Variants in PPFIA1 observed in about 807,000 individuals in gnomAD.
PPFIA1 encodes PPFI scaffold protein A1.
A neutral mutation model predicts 149.9 loss-of-function variants in PPFIA1; 25 were observed. That is an observed-to-expected ratio of 0.17 (90% CI 0.12 to 0.23). The LOEUF is 0.23. Among genes scored for constraint, PPFIA1 ranks in the 10% least tolerant of loss-of-function variants. PPFIA1 has a pLI of 1.00. For synonymous variants in PPFIA1, 549 were observed against 552.8 expected (o/e 0.99, Z 0.10); for missense variants, 1,362 against 1,506.5 (o/e 0.90, Z 1.59).
intron 16 of PPFIA1, among the ~76,000 whole-genome samples, chr11:70,352,751 G>A (rs1287564063): frequency 8.3e-6 from 1 of 119,854 alleles, no homozygotes; most frequent in Admixed American, 8.6e-5. Flanking sequence ...GTGGAGGGGT[G>A]GGAGGGCGGC....
intron 2 of PPFIA1, among the ~76,000 whole-genome samples, chr11:70,295,123 A>G (rs2136250658): frequency 6.6e-6 from 1 of 151,288 alleles, no homozygotes; most frequent in Admixed American, 6.6e-5. Flanking sequence ...ACTTCCCAGT[A>G]GGGGCGGCCG....
intron 2 of PPFIA1, chr11:70,320,302 C>G (rs377014148): frequency 6.6e-6 from 1 of 152,180 alleles, no homozygotes; most frequent in South Asian, 2.1e-4. Context: ...CATGGTAAGC[C>G]TGAATTGACT....
At chr11:70,324,808 T>C in intron 3 of PPFIA1, 39 bp from the exon 4 acceptor site, 1 of 1,470,086 alleles carries the variant, frequency 6.8e-7, no homozygotes, top group Non-Finnish European at 9.2e-7. Context: ...AAATTAAAAA[T>C]GCTGTTTAAC....
intron 19 of PPFIA1, among the ~76,000 whole-genome samples, chr11:70,361,172 T>C (rs1168162072): frequency 6.6e-6 from 1 of 152,200 alleles, no homozygotes; most frequent in East Asian, 1.9e-4. Context: ...AAATGGATGG[T>C]GTTGATACTG....
chr11:70,354,188 TGCTG>T lies in PPFIA1; in HGVS notation c.2164-110_2164-107del, dbSNP rs1197281121. 5 of 1,124,194 alleles carry T rather than the reference TGCTG, an allele frequency of 4.4e-6. No individual in the cohort carries two copies. In the African/African-American group the frequency reaches 4.7e-5, roughly 10 times the overall value. 69.6% of individuals were successfully genotyped at this position (1,124,194 alleles called of 1,614,324 possible). A position where few individuals can be genotyped will look rare whatever the true frequency, so the allele number is the denominator to read the frequency against. On this transcript the variant is annotated intron_variant, in intron 16 of 27. Transcript: ENST00000253925. ...TGCCAGACTGAAACAAGACTTTCTG[TGCTG>T]GCAGAAAGCACAGCAAATCGATTTT... is the stretch of plus-strand genomic sequence containing the variant.
intron 3 of PPFIA1, 74 bp from the exon 4 acceptor site, chr11:70,324,773 G>C (rs1225334666): frequency 2.8e-5 from 38 of 1,365,250 alleles, no homozygotes; most frequent in Non-Finnish European, 3.2e-5. Flanking sequence ...CTGTAAAGGA[G>C]TTATTTGCCC....
chr11:70,323,836 C>G (rs1318263981), intron 2 of PPFIA1, among the ~76,000 whole-genome samples: 1 of 152,168 alleles, frequency 6.6e-6, no homozygotes, highest in African/African-American at 2.4e-5. Context: ...AGAGGCTGGG[C>G]ACGGTGGCTC....
At chr11:70,352,241 C>T (rs886460991) in intron 16 of PPFIA1, among the ~76,000 whole-genome samples, 4 of 152,064 alleles carry the variant, frequency 2.6e-5, no homozygotes, top group Non-Finnish European at 5.9e-5. Flanking sequence ...CTGTTTGTAC[C>T]TTGGTTTACT....
At chr11:70,335,307 G>C (rs551811031) in intron 10 of PPFIA1, among the ~76,000 whole-genome samples, 1 of 152,180 alleles carries the variant, frequency 6.6e-6, no homozygotes, top group African/African-American at 2.4e-5. Flanking sequence ...TTAACAACTA[G>C]TGACATTCCT....
At chr11:70,341,682 C>G (rs1451044329) in intron 14 of PPFIA1, among the ~76,000 whole-genome samples, 3 of 152,156 alleles carry the variant, frequency 2.0e-5, no homozygotes, top group African/African-American at 7.2e-5. Context: ...ATGACACCAC[C>G]TCATGGGTGC....
chr11:70,373,119 G>A (rs1026622983), intron 23 of PPFIA1, among the ~76,000 whole-genome samples: 3 of 152,256 alleles, frequency 2.0e-5, no homozygotes, highest in African/African-American at 7.2e-5. Context: ...CCAGGGAGGC[G>A]TTAGAGGATG....
intron 14 of PPFIA1, chr11:70,342,237 T>C (rs957150095): frequency 5.9e-5 from 9 of 152,264 alleles, no homozygotes; most frequent in Admixed American, 2.0e-4. Context: ...GAGATCCGGG[T>C]GTGAGCCAGG....
At chr11:70,370,721 C>T (rs947807608) in intron 21 of PPFIA1, among the ~76,000 whole-genome samples, 3 of 152,184 alleles carry the variant, frequency 2.0e-5, no homozygotes, top group Non-Finnish European at 2.9e-5. Flanking sequence ...TCTTGGATCA[C>T]TGATTTTCGA....
chr11:70,323,962 CAGAA>C (rs1264641243), intron 2 of PPFIA1, among the ~76,000 whole-genome samples: 2 of 152,154 alleles, frequency 1.3e-5, no homozygotes, highest in Non-Finnish European at 2.9e-5. Context: ...GACCCTGTCT[CAGAA>C]AGAAAAAGGA....
chr11:70,316,854 A>G (rs1208732950), intron 2 of PPFIA1, among the ~76,000 whole-genome samples: 4 of 152,250 alleles, frequency 2.6e-5, no homozygotes, highest in Non-Finnish European at 5.9e-5. Flanking sequence ...TCTGGTCTAT[A>G]TAATATGAAC....
chr11:70,321,727 G>A (rs983046014), intron 2 of PPFIA1, among the ~76,000 whole-genome samples: 1 of 152,162 alleles, frequency 6.6e-6, no homozygotes, highest in Admixed American at 6.5e-5. Context: ...TTAGTGGATT[G>A]GCAGTTACTT....
At position 70,337,387 on chromosome 11, in the gene PPFIA1, A is replaced by G; in HGVS notation, c.1451A>G (p.Glu484Gly). ...CAGAACTCTCTTTTAAGAGAAGTTG[A>G]AAGTGCAAAAAAGCAGTTAGAAGAA... ...EDKNSLLREVESAKKQLEETQ... is the reference protein window; with the variant it reads ...EDKNSLLREVGSAKKQLEETQ... Residue 484 changes from glutamate to glycine, a missense_variant, in exon 12 of 28, where the codon GAA becomes GGA. By Grantham distance (98) the Glu-to-Gly change is moderately conservative (BLOSUM62 -2). This residue lies in a region of PPFIA1 where 733 missense variants were observed against 744.1 expected (regional missense o/e 0.99). Coordinates refer to ENST00000253925, the MANE Select transcript of PPFIA1 (RefSeq NM_003626.5). The G allele has an allele frequency of 6.3e-7, 1 of 1,599,366 alleles. No individual in the cohort carries two copies. The highest frequency in any genetic ancestry group is 8.5e-7 in the Non-Finnish European group (1 of 1,172,372).
At chr11:70,326,959 A>C (rs576280081) in intron 7 of PPFIA1, 141 bp downstream of exon 7, 33 of 731,824 alleles carry the variant, frequency 4.5e-5, no homozygotes, top group Non-Finnish European at 6.4e-5. Flanking sequence ...TATATTGAAA[A>C]AGAGAGAGTG....
At chr11:70,304,431 G>C (rs2052707100) in intron 2 of PPFIA1, among the ~76,000 whole-genome samples, 2 of 152,144 alleles carry the variant, frequency 1.3e-5, no homozygotes, top group African/African-American at 2.4e-5. Context: ...GCCTCCCAAA[G>C]TGCTGGGATT....
Sources: gnomAD v4.1 joint callset for allele counts (sites outside exome capture counted in the v4.1 genomes callset) on GRCh38, gnomAD v4.1.1 for gene constraint, gnomAD v4.1.1 regional missense constraint, MANE v1.5 for transcripts, NCBI Gene and HGNC (gene_info 2026-07-23, HGNC 2026-07-21) for gene names.